Variants in SEC63 observed in about 807,000 individuals in gnomAD.
The protein encoded by SEC63 is SEC63 protein translocation regulator, also known as translocation protein SEC63 homolog.
In SEC63, 56 loss-of-function variants were observed where a neutral mutation model predicts 116.2. The ratio of observed to expected loss-of-function variants is 0.48; its 90% CI spans 0.39 to 0.60. The LOEUF (loss-of-function observed/expected upper bound fraction) is 0.60. Ranked by LOEUF, SEC63 falls within the 20% of genes least tolerant of loss-of-function variation. SEC63 has a pLI of 0.00. For synonymous variants in SEC63, 273 were observed against 294.6 expected, an observed-to-expected ratio of 0.93 and a Z score of 0.75; for missense variants, 668 against 900.0, an observed-to-expected ratio of 0.74 and a Z score of 3.30.
intron 1 of SEC63, among the ~76,000 whole-genome samples, chr6:107,954,290 C>G (rs912668369): frequency 6.6e-6 from 1 of 151,408 alleles, no homozygotes; most frequent in East Asian, 1.9e-4. Flanking sequence ...AGAGTCATCA[C>G]CACTCCCTAA....
chr6:107,919,496 G>A (rs1282380924), intron 4 of SEC63, among the ~76,000 whole-genome samples: 1 of 152,168 alleles, frequency 6.6e-6, no homozygotes, highest in African/African-American at 2.4e-5. Context: ...TGATAAAGCA[G>A]TGGCAGAATG....
rs1786035888 is a variant in SEC63, at chr6:107,868,095, C to T, written c.*3609G>A. 2 of 141,948 alleles carry T rather than the reference C, an allele frequency of 1.4e-5. No homozygotes were observed. Among genetic ancestry groups the T allele is most frequent in the South Asian group, 4.7e-4 (2 of 4,228 alleles). The allele number at this position is 141,948 out of a possible 1,614,324, so 8.8% of individuals were successfully genotyped here. Reference sequence around the variant, plus strand: ...AATGCTTGGTGCTAACTTCTTGAGACATATTTGGACTAATCACTACACAGC... The same window carrying T: ...AATGCTTGGTGCTAACTTCTTGAGATATATTTGGACTAATCACTACACAGC... On this transcript the variant is annotated 3_prime_UTR_variant, in exon 21 of 21. Transcript: ENST00000369002.
intron 4 of SEC63, among the ~76,000 whole-genome samples, chr6:107,917,784 G>A (rs992360935): frequency 1.1e-4 from 16 of 152,184 alleles, no homozygotes; most frequent in Non-Finnish European, 2.2e-4. Flanking sequence ...GGGAGCTGCA[G>A]AAGCTAGCAG....
chr6:107,919,732 G>C (rs1295554552), intron 4 of SEC63, among the ~76,000 whole-genome samples: 3 of 151,900 alleles, frequency 2.0e-5, no homozygotes, highest in Non-Finnish European at 4.4e-5. Context: ...TGAGGCAGGA[G>C]AATGGCGTGA....
Position 107,870,544 on chromosome 6 carries a change from T to C in SEC63, c.*1160A>G, listed in dbSNP as rs1258592469. On this transcript the variant is annotated 3_prime_UTR_variant, in exon 21 of 21. Coordinates refer to ENST00000369002, the MANE Select transcript of SEC63 (RefSeq NM_007214.5). ...AATAAAAATATCCACCCTCCCTCAA[T>C]GATTCATCATGTACACATCTCTACT... The C allele has an allele frequency of 1.3e-5, 2 of 152,386 alleles. No homozygotes were observed. Among genetic ancestry groups the C allele is most frequent in the African/African-American group, 4.8e-5 (2 of 41,440 alleles). 9.4% of individuals were successfully genotyped at this position (152,386 alleles called of 1,614,324 possible). A position where few individuals can be genotyped will look rare whatever the true frequency, so the allele number is the denominator to read the frequency against.
At chr6:107,926,219 A>G (rs1232938729) in intron 2 of SEC63, among the ~76,000 whole-genome samples, 2 of 152,244 alleles carry the variant, frequency 1.3e-5, no homozygotes, top group Non-Finnish European at 2.9e-5. Flanking sequence ...CTCTATGTAT[A>G]TAAAAGTTTT....
At chr6:107,950,525 A>G (rs748824189) in intron 1 of SEC63, among the ~76,000 whole-genome samples, 1 of 152,250 alleles carries the variant, frequency 6.6e-6, no homozygotes, top group Non-Finnish European at 1.5e-5. Flanking sequence ...TTAAGCCACA[A>G]GATATTTTAT....
rs76839334 is a variant in SEC63, at chr6:107,947,964, G to A, written c.124+9922C>T. Among the ~76,000 whole-genome samples the A allele has an allele frequency of 5.5e-3, 843 of 152,192 alleles. 11 individuals are homozygous for A. Among genetic ancestry groups the A allele is most frequent in the African/African-American group, 0.02 (813 of 41,514 alleles). ...CCATTGTTTACCAAATAACTTACAG[G>A]ATAAAGTATAACCCTCTTAAAATAC... is the stretch of plus-strand genomic sequence containing the variant. On this transcript the variant is annotated intron_variant, in intron 1 of 20. Coordinates refer to ENST00000369002, the MANE Select transcript of SEC63 (RefSeq NM_007214.5).
At chr6:107,954,620 T>C (rs1770671471) in intron 1 of SEC63, 1 of 152,120 alleles carries the variant, frequency 6.6e-6, no homozygotes, top group Non-Finnish European at 1.5e-5. Context: ...ATTTATTAAG[T>C]GAGATAAAGA....
At position 107,893,492 on chromosome 6, in the gene SEC63, A is replaced by G. The variant is rs1786739119; in HGVS notation, c.1664T>C (p.Val555Ala). The change falls in exon 16 of 21, where the codon GTC becomes GCC. Residue 555 changes from valine to alanine, a missense_variant. Val to Ala is a moderately conservative substitution (Grantham distance 64). Transcript: ENST00000369002. Reference sequence around the variant, plus strand: ...TAATAATAAACTTACATTCCCAACGACTCCATTTGCCTGCTTTTGTTTCTG... The same window carrying G: ...TAATAATAAACTTACATTCCCAACGGCTCCATTTGCCTGCTTTTGTTTCTG... ...KQQKQKQANG[V>A]VGNEAAVKED... 1 of 1,612,468 alleles carries G rather than the reference A, an allele frequency of 6.2e-7. No homozygotes were observed. The highest frequency in any genetic ancestry group is 1.3e-5 in the African/African-American group (1 of 74,792).
chr6:107,953,090 T>G (rs1770613520), intron 1 of SEC63, among the ~76,000 whole-genome samples: 1 of 152,040 alleles, frequency 6.6e-6, no homozygotes, highest in Non-Finnish European at 1.5e-5. Flanking sequence ...TGAAACCCCA[T>G]CTCTACTAAA....
chr6:107,903,194 A>G, intron 11 of SEC63, 196 bp from the exon 12 acceptor site: 2 of 643,292 alleles, frequency 3.1e-6, no homozygotes, highest in Non-Finnish European at 5.5e-6. Flanking sequence ...ATTTTCCAGC[A>G]ACAACCATTG....
At chr6:107,954,174 C>T (rs1488395706) in intron 1 of SEC63, among the ~76,000 whole-genome samples, 2 of 151,998 alleles carry the variant, frequency 1.3e-5, no homozygotes, top group South Asian at 2.1e-4. Flanking sequence ...TACCCCCAAC[C>T]CTGTGCTCTC....
At chr6:107,931,105 G>A (rs918190905) in intron 1 of SEC63, among the ~76,000 whole-genome samples, 5 of 151,888 alleles carry the variant, frequency 3.3e-5, no homozygotes, top group Admixed American at 6.6e-5. Flanking sequence ...TGAGGCAGGC[G>A]GATCACGAGG....
At position 107,887,183 on chromosome 6, in the gene SEC63, A is replaced by G. The variant is rs561845571; in HGVS notation, c.1675-4037T>C. On this transcript the variant is annotated intron_variant, in intron 16 of 20. Coordinates refer to ENST00000369002, the MANE Select transcript of SEC63 (RefSeq NM_007214.5). The stretch of plus-strand genomic sequence containing the variant: ...AACTAGTTCAACCATTGTGGAAGTC[A>G]GTGTGGCAATTCCTCAGGGATCTAG... 2.0e-5 allele frequency among the ~76,000 whole-genome samples: 3 copies of G among 151,810 alleles called. No homozygotes were observed. In the South Asian group the frequency reaches 6.3e-4, roughly 32 times the overall value.
At chr6:107,903,101 T>C in intron 11 of SEC63, 103 bp from the exon 12 acceptor site, 2 of 1,161,314 alleles carry the variant, frequency 1.7e-6, no homozygotes, top group Non-Finnish European at 2.5e-6. Context: ...CCATAACACC[T>C]CAAATTTGAG....
intron 1 of SEC63, among the ~76,000 whole-genome samples, chr6:107,942,466 A>C (rs1770397079): frequency 6.6e-6 from 1 of 152,234 alleles, no homozygotes; most frequent in Admixed American, 6.5e-5. Context: ...TCCTTTATTT[A>C]ACAAATATTT....
At chr6:107,879,195 ACT>A (rs1313972994) in intron 18 of SEC63, among the ~76,000 whole-genome samples, 1 of 152,208 alleles carries the variant, frequency 6.6e-6, no homozygotes, top group East Asian at 1.9e-4. Flanking sequence ...AGACAGTCTC[ACT>A]CTGTCACCAA....
intron 11 of SEC63, among the ~76,000 whole-genome samples, chr6:107,904,425 CA>C (rs1006742719): frequency 6.7e-6 from 1 of 148,238 alleles, no homozygotes; most frequent in Non-Finnish European, 1.5e-5. Context: ...AAAAAAAGAA[CA>C]AAAAAAACCC....
Sources: gnomAD v4.1 joint callset for allele counts (sites outside exome capture counted in the v4.1 genomes callset) on GRCh38, gnomAD v4.1.1 for gene constraint, MANE v1.5 for transcripts, NCBI Gene and HGNC (gene_info 2026-07-23, HGNC 2026-07-21) for gene names.